The following TPRG1 variants were observed in gnomAD, a reference collection of about 807,000 sequenced individuals.
The protein encoded by TPRG1 is tumor protein p63-regulated gene 1 protein.
Under a neutral mutation model 29.3 loss-of-function variants are expected in TPRG1, and 29 were observed. The observed-to-expected ratio is 0.99, with a 90% confidence interval of 0.74 to 1.35. The LOEUF is 1.35. TPRG1 is among the 40% of genes most tolerant of loss of function. TPRG1 has a pLI of 0.00. For missense variants in TPRG1, 327 were observed against 335.0 expected (o/e 0.98, Z 0.19); for synonymous variants, 130 against 116.8 (o/e 1.11, Z -0.73).
intron 4 of TPRG1, among the ~76,000 whole-genome samples, chr3:189,052,545 T>G (rs7618968): frequency 0.16 from 24,590 of 152,100 alleles, 4,099 homozygotes; most frequent in African/African-American, 0.43. Context: ...ATTCCTTAAA[T>G]AACTGAAAGT....
At chr3:189,206,080 T>TTTTC (rs774213480) in intron 1 of TPRG1, among the ~76,000 whole-genome samples, 30 of 143,212 alleles carry the variant, frequency 2.1e-4, no homozygotes, top group South Asian at 4.9e-4. Flanking sequence ...CTTTCTTTCT[T>TTTTC]TTTCTTTCTT....
chr3:189,069,323 G>C (rs887446784), intron 4 of TPRG1, among the ~76,000 whole-genome samples: 3 of 152,240 alleles, frequency 2.0e-5, no homozygotes, highest in Admixed American at 2.0e-4. Flanking sequence ...ATGGAGAACA[G>C]GTTAATGGTT....
chr3:189,009,529 A>G (rs1712484129), intron 3 of TPRG1, among the ~76,000 whole-genome samples: 1 of 152,130 alleles, frequency 6.6e-6, no homozygotes, highest in South Asian at 2.1e-4. Flanking sequence ...TTCCCCTCCA[A>G]TTGTAAAAGT....
intron 4 of TPRG1, among the ~76,000 whole-genome samples, chr3:189,036,857 A>C (rs1033243357): frequency 2.6e-5 from 4 of 151,990 alleles, no homozygotes; most frequent in Middle Eastern, 3.4e-3. Flanking sequence ...AAACCGATTA[A>C]ATGAAACCAA....
intron 4 of TPRG1, among the ~76,000 whole-genome samples, chr3:189,067,954 G>A (rs565991182): frequency 1.3e-5 from 2 of 152,218 alleles, no homozygotes; most frequent in African/African-American, 2.4e-5. Context: ...TATAAAAGGA[G>A]CTCAAACAAC....
At chr3:189,313,957 A>G (rs1357752093) in intron 5 of TPRG1, among the ~76,000 whole-genome samples, 1 of 152,222 alleles carries the variant, frequency 6.6e-6, no homozygotes, top group East Asian at 1.9e-4. Flanking sequence ...AATGGCTTAG[A>G]TAATAGATAT....
intron 3 of TPRG1, chr3:189,219,588 A>T (rs7426805): frequency 7.8e-7 from 1 of 1,287,734 alleles, no homozygotes; most frequent in Non-Finnish European, 1.0e-6. Context: ...TTAAGCCAGC[A>T]CCAAGGAGAA....
At chr3:189,026,138 A>G (rs1372286118) in intron 4 of TPRG1, among the ~76,000 whole-genome samples, 3 of 152,066 alleles carry the variant, frequency 2.0e-5, no homozygotes, top group Non-Finnish European at 4.4e-5. Flanking sequence ...TTTTCTCACT[A>G]TTTTGGAGAC....
At chr3:189,305,255 G>A (rs1227677161) in intron 4 of TPRG1, among the ~76,000 whole-genome samples, 1 of 152,184 alleles carries the variant, frequency 6.6e-6, no homozygotes, top group Non-Finnish European at 1.5e-5. Context: ...TCTCTCTGAA[G>A]AAAGAAGAAT....
chr3:189,278,252 A>G (rs1357357740), intron 4 of TPRG1, among the ~76,000 whole-genome samples: 1 of 152,102 alleles, frequency 6.6e-6, no homozygotes, highest in African/African-American at 2.4e-5. Flanking sequence ...TGGGTAACCT[A>G]TTGCCTGGGT....
intron 2 of TPRG1, among the ~76,000 whole-genome samples, chr3:189,128,352 T>C (rs1391573294): frequency 6.6e-6 from 1 of 152,092 alleles, no homozygotes; most frequent in Non-Finnish European, 1.5e-5. Context: ...GGACAGAGTA[T>C]TGGAAGTCAG....
rs985806745 is a variant in TPRG1 at position 189,130,286 on chromosome 3, C to A, written c.-589-2113C>A. ...CTCAACTAGACAATAACTATTTTGA[C>A]TGTCTTTAGGATCCATGATTCCTTT... On this transcript the variant is annotated intron_variant, in intron 2 of 6. Coordinates refer to the TPRG1 transcript ENST00000412373. 3.3e-5 allele frequency among the ~76,000 whole-genome samples: 5 copies of A among 152,202 alleles called. No homozygotes were observed. The South Asian group carries it at 1.0e-3, about 31-fold the overall frequency.
At chr3:189,172,602 C>T (rs1317277500) in intron 1 of TPRG1, among the ~76,000 whole-genome samples, 4 of 152,080 alleles carry the variant, frequency 2.6e-5, no homozygotes, top group South Asian at 2.1e-4. Flanking sequence ...CTTTCTGAAC[C>T]GTTAAATGGC....
chr3:189,248,502 G>GTA (rs554640300), intron 4 of TPRG1, among the ~76,000 whole-genome samples: 249 of 150,280 alleles, frequency 1.7e-3, no homozygotes, highest in Non-Finnish European at 2.6e-3. Context: ...TTCTATATTT[G>GTA]TATATATATA....
chr3:189,125,884 A>T (rs1009404893), intron 1 of TPRG1, among the ~76,000 whole-genome samples: 5 of 135,992 alleles, frequency 3.7e-5, no homozygotes, highest in Admixed American at 2.3e-4. Flanking sequence ...TGGTATATTT[A>T]GTTTTATTTT....
At chr3:189,111,121 A>C (rs971752277) in intron 1 of TPRG1, among the ~76,000 whole-genome samples, 12 of 150,430 alleles carry the variant, frequency 8.0e-5, no homozygotes, top group South Asian at 2.1e-4. Context: ...AACAAACAAA[A>C]AAAATCTTAC....
chr3:189,068,113 C>T (rs548314784), intron 4 of TPRG1, among the ~76,000 whole-genome samples: 2 of 152,052 alleles, frequency 1.3e-5, no homozygotes, highest in South Asian at 2.1e-4. Flanking sequence ...TCAAAACCAC[C>T]GTGAGATATC....
chr3:189,045,727 A>G (rs1014378321), intron 4 of TPRG1, among the ~76,000 whole-genome samples: 3 of 152,336 alleles, frequency 2.0e-5, no homozygotes, highest in South Asian at 2.1e-4. Flanking sequence ...GAAATTATTT[A>G]TATTATAACT....
At chr3:189,240,187 G>A (rs1408198799) in intron 4 of TPRG1, 3 of 152,040 alleles carry the variant, frequency 2.0e-5, no homozygotes, top group Non-Finnish European at 4.4e-5. Context: ...TGCAAAAAGT[G>A]ATTAATTTAT....
Sources: allele counts gnomAD v4.1 joint callset (sites outside exome capture counted in the v4.1 genomes callset), GRCh38; gene constraint gnomAD v4.1.1; transcripts MANE v1.5; gene names NCBI Gene and HGNC (gene_info 2026-07-23, HGNC 2026-07-21).